HUNK: variants seen among roughly 807,000 people sequenced by gnomAD.
HUNK encodes the protein hormonally up-regulated neu tumor-associated kinase.
A neutral mutation model predicts 61.0 loss-of-function variants in HUNK; 21 were observed. That is an observed-to-expected ratio of 0.34 (90% CI 0.24 to 0.50). The LOEUF (loss-of-function observed/expected upper bound fraction) is 0.50. Among genes scored for constraint, HUNK ranks in the 20% least tolerant of loss-of-function variants. The pLI is 0.98. For synonymous variants in HUNK, 371 were observed against 386.1 expected (o/e 0.96, Z 0.46); for missense variants, 772 against 945.7 (o/e 0.82, Z 2.41).
At chr21:31,922,519 G>A (rs1238315495) in intron 1 of HUNK, among the ~76,000 whole-genome samples, 1 of 151,028 alleles carries the variant, frequency 6.6e-6, no homozygotes, top group African/African-American at 2.4e-5. Context: ...TAGAGACAGG[G>A]TTTCACCATG....
At chr21:31,996,120 G>C (rs1381510160) in intron 10 of HUNK, among the ~76,000 whole-genome samples, 172 bp downstream of exon 10, 2 of 152,248 alleles carry the variant, frequency 1.3e-5, no homozygotes, top group Non-Finnish European at 2.9e-5. Flanking sequence ...GGACCAAGCT[G>C]TGTGGCATTA....
chr21:31,977,015 C>T (rs1291217837), intron 7 of HUNK, among the ~76,000 whole-genome samples: 1 of 152,084 alleles, frequency 6.6e-6, no homozygotes, highest in East Asian at 1.9e-4. Flanking sequence ...AAGCAGTCTG[C>T]CCACCTTGGC....
intron 1 of HUNK, among the ~76,000 whole-genome samples, chr21:31,907,913 C>T (rs1391714169): frequency 6.6e-6 from 1 of 151,990 alleles, no homozygotes; most frequent in Non-Finnish European, 1.5e-5. Flanking sequence ...TCACTTGAAC[C>T]CGGGAGACGG....
At chr21:31,907,099 G>C (rs2052511214) in intron 1 of HUNK, among the ~76,000 whole-genome samples, 1 of 152,080 alleles carries the variant, frequency 6.6e-6, no homozygotes, top group African/African-American at 2.4e-5. Context: ...TTCTTTCTTG[G>C]GAGGCAGAGG....
intron 3 of HUNK, 27 bp from the exon 4 acceptor site, chr21:31,946,009 G>C (rs770894265): frequency 2.6e-6 from 4 of 1,554,548 alleles, no homozygotes; most frequent in Non-Finnish European, 3.5e-6. Flanking sequence ...CTAATTCGGA[G>C]CTTGTTTTGT....
intron 1 of HUNK, among the ~76,000 whole-genome samples, chr21:31,877,926 G>A (rs1282798041): frequency 6.6e-6 from 1 of 152,090 alleles, no homozygotes; most frequent in Non-Finnish European, 1.5e-5. Context: ...ATCATCTGTC[G>A]ACAGAATAAG....
intron 1 of HUNK, among the ~76,000 whole-genome samples, chr21:31,877,999 C>T (rs945656620): frequency 4.6e-5 from 7 of 152,186 alleles, no homozygotes; most frequent in African/African-American, 1.7e-4. Flanking sequence ...TGGCTCATGC[C>T]TGTAATCCCA....
intron 6 of HUNK, among the ~76,000 whole-genome samples, chr21:31,970,713 C>T (rs1320129738): frequency 6.6e-6 from 1 of 152,150 alleles, no homozygotes. Flanking sequence ...ACAGTATTTC[C>T]CCTCCTTGTT....
intron 1 of HUNK, among the ~76,000 whole-genome samples, chr21:31,900,164 C>T (rs546359349): frequency 5.9e-5 from 9 of 152,210 alleles, no homozygotes; most frequent in East Asian, 5.8e-4. Context: ...CCCTGTTCCT[C>T]GCAGCATAAT....
In HUNK at chr21:31,932,639, T is replaced by C. The variant is rs2052706085; in HGVS notation, c.555-7526T>C. Among the ~76,000 whole-genome samples the C allele has an allele frequency of 2.6e-5, 4 of 152,160 alleles. No individual in the cohort carries two copies. The South Asian group carries it at 8.3e-4, about 31-fold the overall frequency. On this transcript the variant is annotated intron_variant, in intron 2 of 10. Transcript: ENST00000270112. ...TCTCTGTAAAAACACCCTGCACTTA[T>C]CTCAACATCTGGTCTGTCTGCTGTG...
At chr21:31,970,666 A>G (rs2053003571) in intron 6 of HUNK, among the ~76,000 whole-genome samples, 1 of 152,186 alleles carries the variant, frequency 6.6e-6, no homozygotes, top group Non-Finnish European at 1.5e-5. Flanking sequence ...AATCCACTCA[A>G]TGCGGCAACT....
chr21:31,971,779 A>C lies in HUNK; in HGVS notation c.1011-2776A>C, dbSNP rs2053012572. ...TTATAAATAAATGTTTATGCCAGTC[A>C]GTCAACAGATGTTTGCTAGGTGCCA... is the stretch of plus-strand genomic sequence containing the variant. On this transcript the variant is annotated intron_variant, in intron 6 of 10. Coordinates refer to ENST00000270112, the MANE Select transcript of HUNK (RefSeq NM_014586.2). 1.0e-4 allele frequency among the ~76,000 whole-genome samples: 15 copies of C among 143,512 alleles called. No homozygotes were observed. In the South Asian group the frequency reaches 3.6e-3, roughly 34 times the overall value. 94.1% of individuals were successfully genotyped at this position (143,512 alleles called of 152,430 possible).
intron 9 of HUNK, 135 bp downstream of exon 9, chr21:31,990,311 T>G: frequency 1.2e-6 from 1 of 815,796 alleles, no homozygotes; most frequent in Non-Finnish European, 2.0e-6. Context: ...GGGGGTTGGC[T>G]GGAAGTCTGA....
At chr21:31,875,332 T>TTGC (rs2052252914) in intron 1 of HUNK, among the ~76,000 whole-genome samples, 1 of 152,138 alleles carries the variant, frequency 6.6e-6, no homozygotes, top group Non-Finnish European at 1.5e-5. Context: ...TGAATGCAGG[T>TTGC]CTCCGTCACC....
At chr21:31,892,176 T>TAGAGAGAG (rs1423478679) in intron 1 of HUNK, among the ~76,000 whole-genome samples, 3 of 116,446 alleles carry the variant, frequency 2.6e-5, no homozygotes, top group Non-Finnish European at 3.6e-5. Flanking sequence ...TATATATATA[T>TAGAGAGAG]ATATAGAGAG....
At chr21:31,962,439 T>C (rs2052935516) in intron 5 of HUNK, among the ~76,000 whole-genome samples, 1 of 152,182 alleles carries the variant, frequency 6.6e-6, no homozygotes, top group Non-Finnish European at 1.5e-5. Context: ...AAATTTAACC[T>C]TAAAGAAGCA....
intron 1 of HUNK, among the ~76,000 whole-genome samples, chr21:31,885,698 C>A (rs1196629582): frequency 6.6e-6 from 1 of 152,080 alleles, no homozygotes; most frequent in East Asian, 1.9e-4. Flanking sequence ...GTCTGCCCTC[C>A]ACGTGTGTCT....
At chr21:31,988,218 T>C (rs1359483663) in intron 8 of HUNK, among the ~76,000 whole-genome samples, 1 of 152,118 alleles carries the variant, frequency 6.6e-6, no homozygotes, top group Non-Finnish European at 1.5e-5. Context: ...GACGGACTCC[T>C]TTTTCTGAAA....
At chr21:31,941,313 T>C (rs796615798) in intron 3 of HUNK, among the ~76,000 whole-genome samples, 10 of 151,914 alleles carry the variant, frequency 6.6e-5, no homozygotes, top group Non-Finnish European at 1.2e-4. Flanking sequence ...CTCTCTCTTT[T>C]TTTTTTTTCC....
Sources: allele counts gnomAD v4.1 joint callset (sites outside exome capture counted in the v4.1 genomes callset), GRCh38; gene constraint gnomAD v4.1.1; transcripts MANE v1.5; gene names NCBI Gene and HGNC (gene_info 2026-07-23, HGNC 2026-07-21).